The following PLCL1 variants were observed in gnomAD, a reference collection of about 807,000 sequenced individuals.
The protein encoded by PLCL1 is inactive phospholipase C-like protein 1.
In PLCL1, 41 loss-of-function variants were observed where a neutral mutation model predicts 84.4. The observed-to-expected ratio is 0.49, with a 90% CI of 0.38 to 0.63. The LOEUF is 0.63. Among genes scored for constraint, PLCL1 ranks in the 30% least tolerant of loss-of-function variants. The pLI is 0.00. For synonymous variants in PLCL1, 490 were observed against 488.3 expected (o/e 1.00, Z -0.05); for missense variants, 1,206 against 1,367.8 (o/e 0.88, Z 1.87).
rs577618975 is a variant in PLCL1, at chr2:197,840,835, C to T, written c.240+35496C>T. Among the ~76,000 whole-genome samples the T allele has an allele frequency of 1.2e-4, 19 of 152,208 alleles. 1 individual carries two copies. The South Asian group carries it at 3.5e-3, about 28-fold the overall frequency. On this transcript the variant is annotated intron_variant, in intron 1 of 5. Coordinates refer to ENST00000428675, the MANE Select transcript of PLCL1 (RefSeq NM_006226.4). Reference sequence around the variant, plus strand: ...GGTTTTATCAGTTGAGGGAGATGGCCTACTTCTTTGCCATGTGAGTAAACA... The same window carrying T: ...GGTTTTATCAGTTGAGGGAGATGGCTTACTTCTTTGCCATGTGAGTAAACA...
chr2:198,070,291 T>C (rs904516410), intron 1 of PLCL1, among the ~76,000 whole-genome samples: 5 of 152,144 alleles, frequency 3.3e-5, no homozygotes, highest in Admixed American at 6.5e-5. Flanking sequence ...ATCAAATTGA[T>C]TTAAACATCT....
chr2:198,051,578 C>G (rs1050137058), intron 1 of PLCL1, among the ~76,000 whole-genome samples: 8 of 152,108 alleles, frequency 5.3e-5, no homozygotes, highest in Non-Finnish European at 1.0e-4. Context: ...AACCCCTGAT[C>G]ATATCTTAAA....
At chr2:197,972,358 A>G (rs1014107538) in intron 1 of PLCL1, among the ~76,000 whole-genome samples, 13 of 152,218 alleles carry the variant, frequency 8.5e-5, no homozygotes, top group African/African-American at 2.9e-4. Flanking sequence ...ACATGTAGCA[A>G]GAGGAAAGGA....
At chr2:198,077,753 A>G (rs1368829466) in intron 1 of PLCL1, among the ~76,000 whole-genome samples, 2 of 152,164 alleles carry the variant, frequency 1.3e-5, no homozygotes, top group African/African-American at 2.4e-5. Flanking sequence ...GCCCATAGTC[A>G]TGTAAAATCC....
intron 1 of PLCL1, among the ~76,000 whole-genome samples, chr2:197,992,074 T>A (rs557272760): frequency 1.3e-5 from 2 of 152,230 alleles, no homozygotes; most frequent in African/African-American, 4.8e-5. Context: ...CAAGATTTTT[T>A]TAATTATACT....
At chr2:197,960,065 G>T (rs970078696) in intron 1 of PLCL1, among the ~76,000 whole-genome samples, 2 of 152,116 alleles carry the variant, frequency 1.3e-5, no homozygotes, top group African/African-American at 4.8e-5. Context: ...TCTCTTCATT[G>T]TGAGTGTGTG....
chr2:198,104,872 G>C (rs1693436599), intron 5 of PLCL1, among the ~76,000 whole-genome samples: 1 of 151,884 alleles, frequency 6.6e-6, no homozygotes, highest in African/African-American at 2.4e-5. Flanking sequence ...GCTTTCTAAT[G>C]GGGTGTTTAT....
intron 1 of PLCL1, among the ~76,000 whole-genome samples, chr2:197,971,906 G>A (rs1689875904): frequency 6.6e-6 from 1 of 152,154 alleles, no homozygotes; most frequent in African/African-American, 2.4e-5. Flanking sequence ...TCTGTTGAAT[G>A]CTAATTTTTA....
intron 1 of PLCL1, among the ~76,000 whole-genome samples, chr2:197,959,870 G>A (rs1350623606): frequency 2.0e-5 from 3 of 151,950 alleles, no homozygotes; most frequent in Admixed American, 6.6e-5. Flanking sequence ...CATTTCATTC[G>A]CCTGGTTCAT....
chr2:198,070,605 A>G (rs1178829529), intron 1 of PLCL1, among the ~76,000 whole-genome samples: 2 of 152,020 alleles, frequency 1.3e-5, no homozygotes, highest in Non-Finnish European at 2.9e-5. Flanking sequence ...TACATATTGT[A>G]TTAGAAGTGC....
At chr2:198,077,572 T>G (rs1185506462) in intron 1 of PLCL1, among the ~76,000 whole-genome samples, 1 of 152,154 alleles carries the variant, frequency 6.6e-6, no homozygotes, top group Non-Finnish European at 1.5e-5. Flanking sequence ...GGTGTTCCTC[T>G]GGGTTTAGCT....
intron 5 of PLCL1, among the ~76,000 whole-genome samples, chr2:198,116,189 C>T (rs960673481): frequency 6.6e-6 from 1 of 151,116 alleles, no homozygotes; most frequent in Non-Finnish European, 1.5e-5. Flanking sequence ...AAAAAGTTAC[C>T]CTGGAGTCAT....
chr2:198,064,128 C>A (rs1692270372), intron 1 of PLCL1, among the ~76,000 whole-genome samples: 1 of 152,134 alleles, frequency 6.6e-6, no homozygotes, highest in African/African-American at 2.4e-5. Context: ...TCTCAGGGAG[C>A]TCTGGGAGAC....
At chr2:198,127,623 A>G (rs549813287) in intron 5 of PLCL1, among the ~76,000 whole-genome samples, 5 of 152,250 alleles carry the variant, frequency 3.3e-5, no homozygotes, top group Admixed American at 2.0e-4. Flanking sequence ...TTAAATGCCT[A>G]TTTACACAGG....
intron 1 of PLCL1, among the ~76,000 whole-genome samples, chr2:197,862,002 A>G (rs1379682938): frequency 3.9e-5 from 6 of 152,212 alleles, no homozygotes. Flanking sequence ...ATGGAATTGT[A>G]TATATGTGAT....
At chr2:197,908,392 AAT>A (rs1195049995) in intron 1 of PLCL1, among the ~76,000 whole-genome samples, 1 of 152,200 alleles carries the variant, frequency 6.6e-6, no homozygotes, top group Non-Finnish European at 1.5e-5. Context: ...GGGCAGCTAA[AAT>A]AGTTTGAAGG....
intron 1 of PLCL1, among the ~76,000 whole-genome samples, chr2:197,819,314 A>C (rs1276259307): frequency 2.0e-5 from 3 of 152,134 alleles, no homozygotes; most frequent in East Asian, 3.9e-4. Context: ...GCTGCAAAGT[A>C]GAGAAGACCT....
intron 1 of PLCL1, among the ~76,000 whole-genome samples, chr2:197,971,022 C>T (rs935516192): frequency 1.3e-4 from 20 of 152,194 alleles, no homozygotes; most frequent in Admixed American, 5.9e-4. Context: ...GGGTTATGCC[C>T]ATTAAATACT....
At chr2:197,913,290 G>A (rs967929622) in intron 1 of PLCL1, among the ~76,000 whole-genome samples, 4 of 152,220 alleles carry the variant, frequency 2.6e-5, no homozygotes, top group African/African-American at 7.2e-5. Context: ...TTAGAGTCCC[G>A]TATGCTAATG....
Sources: allele counts gnomAD v4.1 joint callset (sites outside exome capture counted in the v4.1 genomes callset), GRCh38; gene constraint gnomAD v4.1.1; transcripts MANE v1.5; gene names NCBI Gene and HGNC (gene_info 2026-07-23, HGNC 2026-07-21).